The following EBF3 variants were observed in gnomAD, a reference collection of about 807,000 sequenced individuals.
EBF3 encodes the protein transcription factor COE3.
EBF3 carries 18 observed loss-of-function variants against 77.1 expected under a neutral mutation model. That is an observed-to-expected ratio of 0.23 (90% CI 0.16 to 0.35). The LOEUF is 0.35. Ranked by LOEUF, EBF3 falls within the 10% of genes least tolerant of loss-of-function variation. The pLI, the probability that EBF3 is intolerant of heterozygous loss-of-function variation, is 1.00. For missense variants in EBF3, 558 were observed against 860.0 expected (o/e 0.65, Z 4.39); for synonymous variants, 350 against 343.5 (o/e 1.02, Z -0.21).
chr10:129,867,230 G>A lies in EBF3; in HGVS notation c.950C>T (p.Pro317Leu), dbSNP rs759238126. The change falls in exon 10 of 17, where the codon CCG becomes CTG. Residue 317 changes from proline (P) to leucine (L), a missense_variant. Physicochemically the swap from Pro to Leu is moderately conservative, Grantham distance 98. Around this residue, in one of 5 missense-constraint regions of EBF3, gnomAD observed 112 missense variants for 207.7 expected, o/e 0.54. Coordinates refer to ENST00000440978, the MANE Select transcript of EBF3 (RefSeq NM_001375380.1). ...TPHAIRVQTP[P>L]RHIPGVVEVT... ...TTCGACGACGCCAGGAATGTGCCTC[G>A]GCGGGGTCTGGACTCGGATGGCATG... is the stretch of plus-strand genomic sequence containing the variant. The A allele has an allele frequency of 7.4e-6, 12 of 1,614,008 alleles. No individual in the cohort carries two copies. The highest frequency in any genetic ancestry group is 4.5e-5 in the East Asian group (2 of 44,876).
chr10:129,896,884 G>A (rs1010786072), intron 6 of EBF3, among the ~76,000 whole-genome samples: 2 of 152,202 alleles, frequency 1.3e-5, no homozygotes, highest in Admixed American at 6.5e-5. Flanking sequence ...CTCAAACCGA[G>A]AGAGAAGCCT....
At chr10:129,899,984 A>C (rs1280597364) in intron 6 of EBF3, among the ~76,000 whole-genome samples, 4 of 152,218 alleles carry the variant, frequency 2.6e-5, no homozygotes, top group African/African-American at 9.7e-5. Context: ...CTGCAGAAGA[A>C]CACTTTAATT....
chr10:129,909,985 G>A (rs946725047), intron 6 of EBF3, among the ~76,000 whole-genome samples: 2 of 152,228 alleles, frequency 1.3e-5, no homozygotes, highest in African/African-American at 2.4e-5. Flanking sequence ...TCAGGGGCTC[G>A]GGCTCTGCTC....
At chr10:129,923,490 C>T (rs1245488286) in intron 6 of EBF3, among the ~76,000 whole-genome samples, 1 of 152,200 alleles carries the variant, frequency 6.6e-6, no homozygotes, top group Non-Finnish European at 1.5e-5. Context: ...AACCCTCACA[C>T]ATATGGTGAA....
At chr10:129,902,711 G>A (rs889112705) in intron 6 of EBF3, among the ~76,000 whole-genome samples, 18 of 152,182 alleles carry the variant, frequency 1.2e-4, no homozygotes, top group South Asian at 4.1e-4. Flanking sequence ...CTTTATGAGC[G>A]TGTAACTAAC....
intron 6 of EBF3, among the ~76,000 whole-genome samples, chr10:129,953,185 A>AG (rs960191325): frequency 1.4e-4 from 21 of 150,810 alleles, no homozygotes; most frequent in Admixed American, 3.3e-4. Context: ...TGTGCAGGGT[A>AG]GGGGGGGCGC....
At chr10:129,957,370 CT>C in intron 5 of EBF3, 44 bp from the exon 6 acceptor site, 2 of 1,486,384 alleles carry the variant, frequency 1.3e-6, no homozygotes, top group South Asian at 1.3e-5. Flanking sequence ...GCATTTCCCC[CT>C]TTTATGCCCG....
In EBF3 at chr10:129,867,272, A is replaced by G. The variant is rs1245231718; in HGVS notation, c.913-5T>C. The stretch of plus-strand genomic sequence containing the variant: ...GATGGCATGGGGAGTTATCAGCTAC[A>G]AAAACCACACGGTGAACAGGCGCTC... On this transcript the variant is annotated splice_polypyrimidine_tract_variant and splice_region_variant and intron_variant, in intron 9 of 16. Coordinates refer to ENST00000440978, the MANE Select transcript of EBF3 (RefSeq NM_001375380.1). 6.2e-7 allele frequency: 1 copy of G among 1,613,916 alleles called. No homozygotes were observed. Among genetic ancestry groups the G allele is most frequent in the Non-Finnish European group, 8.5e-7 (1 of 1,179,964 alleles).
Position 129,897,821 on chromosome 10 carries a change from C to T in EBF3, c.555-19972G>A, listed in dbSNP as rs1165326314. On this transcript the variant is annotated intron_variant, in intron 6 of 16. Coordinates refer to ENST00000440978, the MANE Select transcript of EBF3 (RefSeq NM_001375380.1). This position sits in a 1 kb window ranked among gnomAD's most constrained non-coding sequence, Gnocchi z 4.6. ...CGTGACGGGGCCACTTGTGGGTATG[C>T]GAGTACATGGCGGCCAGAGGCAGAT... is the stretch of plus-strand genomic sequence containing the variant. Among the ~76,000 whole-genome samples the T allele has an allele frequency of 1.3e-5, 2 of 152,160 alleles. No homozygotes were observed. Among genetic ancestry groups the T allele is most frequent in the Non-Finnish European group, 2.9e-5 (2 of 68,036 alleles).
rs570886446 is a variant in EBF3 at position 129,913,830 on chromosome 10, G to A, written c.555-35981C>T. On this transcript the variant is annotated intron_variant, in intron 6 of 16. Coordinates refer to ENST00000440978, the MANE Select transcript of EBF3 (RefSeq NM_001375380.1). Reference sequence around the variant, plus strand: ...CAGGCAGGACTCGGCCAGGCCAGGTGCCATCTTCTCATCTTCTCATCTAAA... The same window carrying A: ...CAGGCAGGACTCGGCCAGGCCAGGTACCATCTTCTCATCTTCTCATCTAAA... Among the ~76,000 whole-genome samples, 4 of 152,246 alleles carry A rather than the reference G, an allele frequency of 2.6e-5. No homozygotes were observed. In the South Asian group the frequency reaches 6.2e-4, roughly 24 times the overall value.
At chr10:129,847,357 G>C (rs537022221) in intron 11 of EBF3, among the ~76,000 whole-genome samples, 7 of 152,062 alleles carry the variant, frequency 4.6e-5, no homozygotes, top group Admixed American at 3.9e-4. Flanking sequence ...GATTCTTCCC[G>C]GGGAAACACT....
At chr10:129,850,772 G>A (rs962913684) in intron 10 of EBF3, among the ~76,000 whole-genome samples, 3 of 152,324 alleles carry the variant, frequency 2.0e-5, no homozygotes, top group African/African-American at 7.2e-5. Flanking sequence ...GCCCCCAAGA[G>A]CACCTGCCTT....
At chr10:129,896,459 C>T (rs1183875829) in intron 6 of EBF3, among the ~76,000 whole-genome samples, 3 of 152,226 alleles carry the variant, frequency 2.0e-5, no homozygotes, top group East Asian at 1.9e-4. Flanking sequence ...TGGCGTCGCC[C>T]GCCATTCCTG....
chr10:129,962,235 A>G lies in EBF3; in HGVS notation c.356-9T>C. 1.2e-6 allele frequency: 2 copies of G among 1,614,038 alleles called. No homozygotes were observed. Among genetic ancestry groups the G allele is most frequent in the Non-Finnish European group, 1.7e-6 (2 of 1,179,968 alleles). On this transcript the variant is annotated splice_polypyrimidine_tract_variant and intron_variant, in intron 3 of 16. Coordinates refer to ENST00000440978, the MANE Select transcript of EBF3 (RefSeq NM_001375380.1). ...TTGCTCTGTTCTGACTCCTGCAAAA[A>G]AACAGAGACAAATTCTCATCAGGAT...
chr10:129,862,775 G>T (rs1851731568), intron 10 of EBF3, among the ~76,000 whole-genome samples: 1 of 152,146 alleles, frequency 6.6e-6, no homozygotes, highest in South Asian at 2.1e-4. Context: ...ATTCCAATCT[G>T]TCTTAATCAA....
chr10:129,926,163 CCATTCATT>C (rs540508874), intron 6 of EBF3, among the ~76,000 whole-genome samples: 25 of 152,168 alleles, frequency 1.6e-4, no homozygotes, highest in African/African-American at 5.3e-4. Context: ...TGTGTCGCAG[CCATTCATT>C]CATTCATTCA....
chr10:129,840,181 CCCACTCCCAT>C, intron 15 of EBF3, 54 bp downstream of exon 15: 49 of 1,327,046 alleles, frequency 3.7e-5, no homozygotes, highest in Non-Finnish European at 4.6e-5. Context: ...AGCCCCCACC[CCCACTCCCAT>C]CCCCACCCCT....
chr10:129,857,192 A>G (rs1268947496), intron 10 of EBF3, among the ~76,000 whole-genome samples: 2 of 152,226 alleles, frequency 1.3e-5, no homozygotes, highest in Non-Finnish European at 2.9e-5. Flanking sequence ...CGCTTTAAAG[A>G]CATCACCAAG....
intron 11 of EBF3, among the ~76,000 whole-genome samples, chr10:129,847,604 G>A (rs1430895454): frequency 1.3e-5 from 2 of 152,150 alleles, no homozygotes; most frequent in African/African-American, 4.8e-5. Context: ...TCAAGACTTG[G>A]TACACACAGG....
Sources: gnomAD v4.1 joint callset for allele counts (sites outside exome capture counted in the v4.1 genomes callset) on GRCh38, gnomAD v4.1.1 for gene constraint, gnomAD v4.1.1 regional missense constraint, Gnocchi (gnomAD v3.1) non-coding constraint, MANE v1.5 for transcripts, NCBI Gene and HGNC (gene_info 2026-07-23, HGNC 2026-07-21) for gene names.